PTPN12: variants seen among roughly 807,000 people sequenced by gnomAD.
The protein encoded by PTPN12 is tyrosine-protein phosphatase non-receptor type 12.
In PTPN12, 29 loss-of-function variants were observed where a neutral mutation model predicts 97.6. The ratio of observed to expected loss-of-function variants is 0.30; its 90% CI spans 0.22 to 0.41. The LOEUF is 0.41. Among genes scored for constraint, PTPN12 ranks in the 10% least tolerant of loss-of-function variants. The pLI is 1.00. For missense variants in PTPN12, 819 were observed against 926.0 expected, an observed-to-expected ratio of 0.88 and a Z score of 1.50; for synonymous variants, 327 against 300.4, an observed-to-expected ratio of 1.09 and a Z score of -0.91.
At position 77,591,717 on chromosome 7, in the gene PTPN12, C is replaced by T. The variant is rs116059734; in HGVS notation, c.421-468C>T. 5.1e-3 allele frequency among the ~76,000 whole-genome samples: 783 copies of T among 152,240 alleles called. 6 individuals are homozygous for T. The highest frequency in any genetic ancestry group is 0.017 in the African/African-American group (714 of 41,556). ...GGTCAATAAAGGAGTAGAATTAGTACTTGCAAAATTCTTCTGATTCCAAGT... is the reference window on the plus strand; with the variant it reads ...GGTCAATAAAGGAGTAGAATTAGTATTTGCAAAATTCTTCTGATTCCAAGT... On this transcript the variant is annotated intron_variant, in intron 5 of 17. Transcript: ENST00000248594.
chr7:77,630,876 T>C (rs952812666), intron 13 of PTPN12, among the ~76,000 whole-genome samples: 1 of 152,158 alleles, frequency 6.6e-6, no homozygotes, highest in Non-Finnish European at 1.5e-5. Flanking sequence ...CAAAAGTTTT[T>C]AACAGGAAAG....
chr7:77,551,270 A>C (rs1181459983), intron 1 of PTPN12, among the ~76,000 whole-genome samples: 2 of 152,138 alleles, frequency 1.3e-5, no homozygotes, highest in Non-Finnish European at 2.9e-5. Context: ...CATGTTGTCC[A>C]GGCTGGTCTT....
At chr7:77,638,859 T>C in intron 17 of PTPN12, 128 bp downstream of exon 17, 1 of 1,353,388 alleles carries the variant, frequency 7.4e-7, no homozygotes, top group Non-Finnish European at 9.6e-7. Flanking sequence ...CTTGGACTAG[T>C]CATGAAATAA....
intron 1 of PTPN12, among the ~76,000 whole-genome samples, chr7:77,561,891 A>C (rs1808015362): frequency 6.6e-6 from 1 of 151,708 alleles, no homozygotes; most frequent in South Asian, 2.1e-4. Context: ...TCCTGGGTTC[A>C]TGCCATTCTC....
At chr7:77,611,102 A>G in intron 11 of PTPN12, 56 bp downstream of exon 11, 1 of 1,349,970 alleles carries the variant, frequency 7.4e-7, no homozygotes, top group Non-Finnish European at 1.0e-6. Flanking sequence ...TTAAGATGTA[A>G]TATTTAGCCT....
At chr7:77,548,972 G>A (rs1261476256) in intron 1 of PTPN12, among the ~76,000 whole-genome samples, 2 of 152,138 alleles carry the variant, frequency 1.3e-5, no homozygotes, top group Non-Finnish European at 2.9e-5. Flanking sequence ...GACTTTCACT[G>A]TTTTGGCCTG....
At chr7:77,623,918 A>G (rs1431668189) in intron 12 of PTPN12, among the ~76,000 whole-genome samples, 1 of 152,098 alleles carries the variant, frequency 6.6e-6, no homozygotes, top group Non-Finnish European at 1.5e-5. Context: ...GTCTGCAATT[A>G]TTTTTGTTTT....
intron 1 of PTPN12, among the ~76,000 whole-genome samples, chr7:77,566,580 G>A (rs769043914): frequency 2.0e-5 from 3 of 152,108 alleles, no homozygotes; most frequent in South Asian, 2.1e-4. Flanking sequence ...TTAGCCAGGC[G>A]TGGCGGTGCG....
At chr7:77,613,008 C>T (rs545380542) in intron 11 of PTPN12, among the ~76,000 whole-genome samples, 10 of 148,712 alleles carry the variant, frequency 6.7e-5, no homozygotes, top group Middle Eastern at 3.6e-3. Flanking sequence ...TGACCTCAGG[C>T]GATCCCCCTG....
chr7:77,599,122 G>T (rs889260998), intron 7 of PTPN12, among the ~76,000 whole-genome samples: 9 of 151,578 alleles, frequency 5.9e-5, no homozygotes, highest in Non-Finnish European at 1.2e-4. Context: ...CCCTAAATTT[G>T]TTAAATTTGG....
At chr7:77,624,229 T>C (rs931435821) in intron 12 of PTPN12, among the ~76,000 whole-genome samples, 18 of 150,972 alleles carry the variant, frequency 1.2e-4, no homozygotes, top group African/African-American at 3.7e-4. Flanking sequence ...ATAGTGCAAC[T>C]GTACTCCAGC....
chr7:77,574,918 A>C (rs997858692), intron 2 of PTPN12, among the ~76,000 whole-genome samples: 1 of 151,062 alleles, frequency 6.6e-6, no homozygotes, highest in African/African-American at 2.4e-5. Flanking sequence ...TGCAACCTCT[A>C]TCTCCCGGGT....
intron 11 of PTPN12, among the ~76,000 whole-genome samples, chr7:77,617,810 T>C (rs553032865): frequency 2.0e-5 from 3 of 150,270 alleles, no homozygotes; most frequent in Non-Finnish European, 4.5e-5. Context: ...TTCTTATACC[T>C]GTATTGACTC....
intron 16 of PTPN12, 87 bp from the exon 17 acceptor site, chr7:77,638,537 C>T: frequency 7.4e-7 from 1 of 1,358,914 alleles, no homozygotes; most frequent in Non-Finnish European, 9.5e-7. Context: ...TCTTTTCATG[C>T]TTGCCAACAT....
chr7:77,560,140 A>G (rs1807931913), intron 1 of PTPN12, among the ~76,000 whole-genome samples: 2 of 152,338 alleles, frequency 1.3e-5, no homozygotes, highest in Middle Eastern at 3.4e-3. Context: ...TCTTTTTATT[A>G]TAAATCTCTG....
chr7:77,630,806 G>A (rs1413121163), intron 13 of PTPN12, among the ~76,000 whole-genome samples: 1 of 152,194 alleles, frequency 6.6e-6, no homozygotes, highest in African/African-American at 2.4e-5. Context: ...GCCCCATACA[G>A]TGTATGATTT....
rs778979752 is a variant in PTPN12 at position 77,571,065 on chromosome 7, G to C, written c.100-13G>C. 4.7e-6 allele frequency: 7 copies of C among 1,493,340 alleles called. No individual in the cohort carries two copies. The East Asian group carries it at 1.5e-4, about 31-fold the overall frequency. 92.5% of individuals were successfully genotyped at this position (1,493,340 alleles called of 1,614,324 possible). Reference sequence around the variant, plus strand: ...TTTCTCTAAACTTTAATTTTTATTTGTTGTATTTTAAGCGGTTAAGAAGAT... The same window carrying C: ...TTTCTCTAAACTTTAATTTTTATTTCTTGTATTTTAAGCGGTTAAGAAGAT... On this transcript the variant is annotated splice_polypyrimidine_tract_variant and intron_variant, in intron 1 of 17. Coordinates refer to ENST00000248594, the MANE Select transcript of PTPN12 (RefSeq NM_002835.4).
At chr7:77,628,496 G>T (rs568530429) in intron 13 of PTPN12, among the ~76,000 whole-genome samples, 4 of 151,848 alleles carry the variant, frequency 2.6e-5, no homozygotes, top group African/African-American at 9.7e-5. Context: ...GTGAACTTTG[G>T]TAGTGACACA....
intron 13 of PTPN12, among the ~76,000 whole-genome samples, chr7:77,630,114 C>T (rs1789347174): frequency 6.6e-6 from 1 of 152,102 alleles, no homozygotes; most frequent in African/African-American, 2.4e-5. Flanking sequence ...CGAAGATTTT[C>T]CTGTGTGTAA....
Sources: allele counts gnomAD v4.1 joint callset (sites outside exome capture counted in the v4.1 genomes callset), GRCh38; gene constraint gnomAD v4.1.1; transcripts MANE v1.5; gene names NCBI Gene and HGNC (gene_info 2026-07-23, HGNC 2026-07-21).